KLRG1: variants seen among roughly 807,000 people sequenced by gnomAD.
KLRG1 encodes the protein killer cell lectin like receptor G1.
A neutral mutation model predicts 21.8 loss-of-function variants in KLRG1; 16 were observed. The observed-to-expected ratio is 0.73, with a 90% CI of 0.50 to 1.11. The LOEUF is 1.11. Among genes scored for constraint, KLRG1 ranks in the 50% most tolerant of loss-of-function variants. The pLI, the probability that KLRG1 is intolerant of heterozygous loss-of-function variation, is 0.00. For synonymous variants in KLRG1, 69 were observed against 75.9 expected (o/e 0.91, Z 0.47); for missense variants, 173 against 218.3 (o/e 0.79, Z 1.31).
exon 1 of KLRG1, chr12:8,950,165 G>C (rs904825646): frequency 3.3e-5 from 5 of 152,272 alleles, no homozygotes; most frequent in African/African-American, 1.2e-4. Flanking sequence ...GACGAGAGTA[G>C]TGCAGCGACG....
the KLRG1 span, among the ~76,000 whole-genome samples, chr12:9,124,890 G>C: frequency 1.3e-5 from 2 of 152,218 alleles, no homozygotes; most frequent in Admixed American, 1.3e-4. Context: ...TCAGTCCCTA[G>C]GACTTGTGGT....
chr12:9,169,521 T>G, the KLRG1 span: 8 of 1,613,260 alleles, frequency 5.0e-6, no homozygotes, highest in African/African-American at 1.1e-4. Flanking sequence ...ACAGTGTCCT[T>G]GTTCTTCCTC....
chr12:9,061,797 A>C, the KLRG1 span, among the ~76,000 whole-genome samples: 1 of 152,136 alleles, frequency 6.6e-6, no homozygotes, highest in Non-Finnish European at 1.5e-5. Flanking sequence ...TTTTTTTAGT[A>C]GACAAGGCAA....
the KLRG1 span, chr12:9,181,168 C>A: frequency 6.2e-7 from 1 of 1,613,316 alleles, no homozygotes; most frequent in Admixed American, 1.7e-5. Context: ...CCAGTGTTTT[C>A]CCTACTTCTG....
the KLRG1 span, among the ~76,000 whole-genome samples, chr12:9,031,131 G>A: frequency 6.6e-6 from 1 of 152,198 alleles, no homozygotes; most frequent in Non-Finnish European, 1.5e-5. Context: ...AACCCCTCAG[G>A]CACTCCTGTG....
chr12:9,205,569 A>C, the KLRG1 span, among the ~76,000 whole-genome samples: 1 of 152,210 alleles, frequency 6.6e-6, no homozygotes, highest in Non-Finnish European at 1.5e-5. Flanking sequence ...CCCATGCCAA[A>C]TCAGTAAAAT....
chr12:9,112,458 G>A, the KLRG1 span: 8 of 1,613,668 alleles, frequency 5.0e-6, no homozygotes, highest in South Asian at 1.1e-5. Context: ...ACTGTGGTCC[G>A]CTTCTTAAAT....
At chr12:8,954,744 T>C (rs1946260609) in intron 1 of KLRG1, among the ~76,000 whole-genome samples, 1 of 152,166 alleles carries the variant, frequency 6.6e-6, no homozygotes, top group Admixed American at 6.5e-5. Context: ...GTTCCCATTA[T>C]ATTCATTGTA....
At chr12:9,076,676 A>T in the KLRG1 span, 1 of 1,316,796 alleles carries the variant, frequency 7.6e-7, no homozygotes, top group Non-Finnish European at 1.1e-6. Context: ...GGATCACAGG[A>T]GGTAGGAGTG....
the KLRG1 span, chr12:9,028,938 G>C: frequency 1.6e-6 from 1 of 631,740 alleles, no homozygotes; most frequent in Non-Finnish European, 3.0e-6. Context: ...TGCAACCTTG[G>C]TGTTTGGGTC....
the KLRG1 span, among the ~76,000 whole-genome samples, chr12:9,138,591 A>T: frequency 2.6e-5 from 4 of 151,960 alleles, no homozygotes; most frequent in East Asian, 7.7e-4. Flanking sequence ...TTTTAAAAAA[A>T]TGTGTATTAG....
the KLRG1 span, chr12:9,089,775 A>C: frequency 2.8e-6 from 2 of 725,540 alleles, no homozygotes; most frequent in Non-Finnish European, 3.9e-6. Flanking sequence ...CAAAACAGAA[A>C]GTAAATCAAG....
At chr12:9,076,695 T>G in the KLRG1 span, 3 of 1,564,248 alleles carry the variant, frequency 1.9e-6, no homozygotes, top group Non-Finnish European at 2.6e-6. Context: ...TGAGGGATTT[T>G]TGCCATGCAG....
intron 3 of KLRG1, among the ~76,000 whole-genome samples, chr12:8,997,672 C>T (rs1285836849): frequency 6.6e-6 from 1 of 152,186 alleles, no homozygotes; most frequent in Non-Finnish European, 1.5e-5. Context: ...CAGTGAGATG[C>T]TTACGTAGAG....
chr12:9,001,816 G>C (rs577554141), intron 3 of KLRG1, among the ~76,000 whole-genome samples: 166 of 152,190 alleles, frequency 1.1e-3, no homozygotes, highest in Admixed American at 3.5e-3. Flanking sequence ...TGGGTTTGGT[G>C]GGACAAAACA....
the KLRG1 span, chr12:9,070,659 C>G: frequency 1.1e-6 from 1 of 936,708 alleles, no homozygotes; most frequent in Non-Finnish European, 1.7e-6. Flanking sequence ...TTAAGCATTC[C>G]ACAGCTCTAA....
chr12:9,157,993 G>T, the KLRG1 span: 1 of 734,674 alleles, frequency 1.4e-6, no homozygotes, highest in East Asian at 2.7e-5. Flanking sequence ...TTGCTCTGTA[G>T]CTCAGGCTGG....
At chr12:9,106,491 C>G in the KLRG1 span, 8 of 1,580,788 alleles carry the variant, frequency 5.1e-6, no homozygotes, top group Non-Finnish European at 6.9e-6. Context: ...GTACACAAAC[C>G]TGTTCCTTCT....
the KLRG1 span, chr12:9,196,808 C>T: frequency 0.084 from 71,132 of 849,590 alleles, 3,567 homozygotes; most frequent in Non-Finnish European, 0.1. Context: ...AATTGACCTT[C>T]GAGAACTTAA....
Sources: gnomAD v4.1 joint callset for allele counts (sites outside exome capture counted in the v4.1 genomes callset) on GRCh38, gnomAD v4.1.1 for gene constraint, MANE v1.5 for transcripts, NCBI Gene and HGNC (gene_info 2026-07-23, HGNC 2026-07-21) for gene names.